The following PIK3C2G variants were observed in gnomAD, a reference collection of about 807,000 sequenced individuals.
PIK3C2G encodes the protein phosphatidylinositol-4-phosphate 3-kinase catalytic subunit type 2 gamma, also known as phosphatidylinositol 3-kinase C2 domain-containing subunit gamma.
PIK3C2G carries 168 observed loss-of-function variants against 181.1 expected under a neutral mutation model. That is an observed-to-expected ratio of 0.93 (90% CI 0.82 to 1.05). The LOEUF (loss-of-function observed/expected upper bound fraction) is 1.05. Among genes scored for constraint, PIK3C2G ranks in the 50% least tolerant of loss-of-function variants. The pLI, the probability that PIK3C2G is intolerant of heterozygous loss-of-function variation, is 0.00. For synonymous variants in PIK3C2G, 573 were observed against 592.2 expected (o/e 0.97, Z 0.47); for missense variants, 1,869 against 1,732.8 (o/e 1.08, Z -1.40).
chr12:18,673,820 C>T, the PIK3C2G span, among the ~76,000 whole-genome samples: 9 of 152,180 alleles, frequency 5.9e-5, no homozygotes, highest in African/African-American at 2.2e-4. Flanking sequence ...GACTCAGGGC[C>T]TCAGTTGCTC....
intron 31 of PIK3C2G, among the ~76,000 whole-genome samples, chr12:18,629,560 G>A (rs1486605346): frequency 6.6e-6 from 1 of 152,182 alleles, no homozygotes; most frequent in Non-Finnish European, 1.5e-5. Context: ...GAATAATGCT[G>A]TTACAAATAA....
intron 16 of PIK3C2G, among the ~76,000 whole-genome samples, chr12:18,413,336 T>G (rs1944981215): frequency 6.6e-6 from 1 of 152,098 alleles, no homozygotes; most frequent in Non-Finnish European, 1.5e-5. Context: ...GAAAATAAAT[T>G]AAGTAACATA....
intron 9 of PIK3C2G, among the ~76,000 whole-genome samples, 158 bp downstream of exon 9, chr12:18,338,706 T>TGTGC (rs1938815155): frequency 7.1e-6 from 1 of 140,036 alleles, no homozygotes; most frequent in Admixed American, 7.6e-5. Flanking sequence ...TGTGTGTGTG[T>TGTGC]GTGCATGCAG....
At chr12:18,288,757 ACT>A (rs1949561041) in intron 3 of PIK3C2G, among the ~76,000 whole-genome samples, 1 of 152,146 alleles carries the variant, frequency 6.6e-6, no homozygotes, top group African/African-American at 2.4e-5. Context: ...CTTCTGAATA[ACT>A]CTACTCACAG....
At chr12:18,454,610 T>C (rs981007122) in intron 18 of PIK3C2G, among the ~76,000 whole-genome samples, 2 of 152,110 alleles carry the variant, frequency 1.3e-5, no homozygotes, top group African/African-American at 4.8e-5. Context: ...TTGCCTGCTG[T>C]TTTGAGAATA....
intron 18 of PIK3C2G, among the ~76,000 whole-genome samples, chr12:18,449,355 T>C (rs936243691): frequency 7.9e-5 from 12 of 152,172 alleles, no homozygotes; most frequent in African/African-American, 2.9e-4. Context: ...TACGTAGGTA[T>C]ACATGTGCCA....
intron 2 of PIK3C2G, among the ~76,000 whole-genome samples, chr12:18,284,252 G>A (rs1182726062): frequency 6.6e-6 from 1 of 152,026 alleles, no homozygotes; most frequent in Non-Finnish European, 1.5e-5. Context: ...TGAGCTGAGC[G>A]CTTCAGGCAT....
intron 1 of PIK3C2G, among the ~76,000 whole-genome samples, chr12:18,251,122 T>A (rs996238334): frequency 2.0e-5 from 3 of 152,004 alleles, no homozygotes; most frequent in Non-Finnish European, 4.4e-5. Flanking sequence ...TAGCATTATA[T>A]GTAATAAATT....
chr12:18,419,820 C>G (rs1225239025), intron 16 of PIK3C2G, among the ~76,000 whole-genome samples: 1 of 152,086 alleles, frequency 6.6e-6, no homozygotes, highest in Admixed American at 6.6e-5. Context: ...AAGCTGCCAT[C>G]AAGGACAATT....
intron 26 of PIK3C2G, among the ~76,000 whole-genome samples, chr12:18,554,566 T>C (rs2136301725): frequency 6.6e-6 from 1 of 152,218 alleles, no homozygotes; most frequent in African/African-American, 2.4e-5. Context: ...TAAAAGTGCA[T>C]AGAAATGAAT....
chr12:18,435,854 C>CT (rs1946415927), intron 18 of PIK3C2G, among the ~76,000 whole-genome samples: 1 of 151,736 alleles, frequency 6.6e-6, no homozygotes, highest in East Asian at 1.9e-4. Flanking sequence ...CCTTGGCTCC[C>CT]TTGTACACAT....
At chr12:18,686,651 C>T in the PIK3C2G span, among the ~76,000 whole-genome samples, 2 of 152,014 alleles carry the variant, frequency 1.3e-5, no homozygotes, top group Non-Finnish European at 2.9e-5. Context: ...AAAGTGCCCC[C>T]TTGGAGTACA....
chr12:18,280,672 G>A (rs572602400), intron 1 of PIK3C2G, among the ~76,000 whole-genome samples: 103 of 152,044 alleles, frequency 6.8e-4, no homozygotes, highest in African/African-American at 2.2e-3. Flanking sequence ...GAGATAATGG[G>A]GAACCACTGA....
chr12:18,344,612 A>G (rs1939484730), intron 10 of PIK3C2G, among the ~76,000 whole-genome samples: 1 of 152,086 alleles, frequency 6.6e-6, no homozygotes, highest in Non-Finnish European at 1.5e-5. Context: ...CTCCTCCCCC[A>G]TATTCCTCAG....
intron 24 of PIK3C2G, among the ~76,000 whole-genome samples, chr12:18,510,264 C>T (rs1008556876): frequency 1.1e-4 from 17 of 152,176 alleles, no homozygotes; most frequent in Admixed American, 4.6e-4. Context: ...CAGTGCCCGA[C>T]CTATCTTCAT....
At chr12:18,457,020 A>T (rs1394530623) in intron 18 of PIK3C2G, among the ~76,000 whole-genome samples, 1 of 152,158 alleles carries the variant, frequency 6.6e-6, no homozygotes, top group Non-Finnish European at 1.5e-5. Context: ...CATCAAAAAA[A>T]ATGGTGACTT....
chr12:18,296,649 T>G (rs77932101), intron 5 of PIK3C2G, among the ~76,000 whole-genome samples: 3,138 of 152,214 alleles, frequency 0.021, 111 homozygotes, highest in African/African-American at 0.072. Flanking sequence ...TGCAAGTTAT[T>G]TAACATTCAT....
At chr12:18,710,014 A>G in the PIK3C2G span, among the ~76,000 whole-genome samples, 31 of 151,978 alleles carry the variant, frequency 2.0e-4, no homozygotes, top group Non-Finnish European at 4.1e-4. Context: ...GTGTTCTGCA[A>G]CTTTACTGAA....
chr12:18,282,147 A>G lies in PIK3C2G; in HGVS notation c.66A>G (p.Gln22=). The change falls in exon 2 of 33, where the codon CAA becomes CAG. Residue 22 remains glutamine (Q), a synonymous_variant. Transcript: ENST00000538779. ...CACACGAAAAGCAGTATGAACACCA[A>G]GAATTTCTCTTTGTAAATCAACCCC... ...NESHEKQYEH[Q]EFLFVNQPHS... 6.2e-7 allele frequency: 1 copy of G among 1,610,498 alleles called. No homozygotes were observed. Among genetic ancestry groups the G allele is most frequent in the Non-Finnish European group, 8.5e-7 (1 of 1,177,896 alleles).
Sources: allele counts gnomAD v4.1 joint callset (sites outside exome capture counted in the v4.1 genomes callset), GRCh38; gene constraint gnomAD v4.1.1; transcripts MANE v1.5; gene names NCBI Gene and HGNC (gene_info 2026-07-23, HGNC 2026-07-21).